CHST9: variants seen among roughly 807,000 people sequenced by gnomAD.
CHST9 encodes the protein carbohydrate sulfotransferase 9.
CHST9 carries 41 observed loss-of-function variants against 44.4 expected under a neutral mutation model. The ratio of observed to expected loss-of-function variants is 0.92; its 90% CI spans 0.72 to 1.20. CHST9 has a LOEUF of 1.20. CHST9 is among the 50% of genes most tolerant of loss of function. CHST9 has a pLI of 0.00. For missense variants in CHST9, 504 were observed against 516.5 expected, an observed-to-expected ratio of 0.98 and a Z score of 0.23; for synonymous variants, 171 against 178.4, an observed-to-expected ratio of 0.96 and a Z score of 0.33.
chr18:27,032,115 C>A (rs755901173), intron 3 of CHST9, among the ~76,000 whole-genome samples: 1 of 152,114 alleles, frequency 6.6e-6, no homozygotes, highest in Non-Finnish European at 1.5e-5. Context: ...ACCACACGAT[C>A]TATCAAAGCT....
At chr18:26,926,015 GAA>G (rs2055761074) in intron 5 of CHST9, among the ~76,000 whole-genome samples, 1 of 152,114 alleles carries the variant, frequency 6.6e-6, no homozygotes, top group Non-Finnish European at 1.5e-5. Context: ...ATGGGAAAGA[GAA>G]AAGATAAAAT....
chr18:27,131,041 C>A (rs945298425), intron 2 of CHST9, among the ~76,000 whole-genome samples: 2 of 152,126 alleles, frequency 1.3e-5, no homozygotes, highest in Admixed American at 1.3e-4. Flanking sequence ...ACAGAGACTT[C>A]CAATTTGTTC....
chr18:27,174,440 C>A (rs2058853401), intron 1 of CHST9, among the ~76,000 whole-genome samples: 1 of 151,864 alleles, frequency 6.6e-6, no homozygotes, highest in South Asian at 2.1e-4. Flanking sequence ...AAAAAAAATA[C>A]ATGATTTCAA....
At chr18:27,153,568 A>G (rs7239301) in intron 1 of CHST9, among the ~76,000 whole-genome samples, 12,424 of 120,162 alleles carry the variant, frequency 0.1, 522 homozygotes, top group South Asian at 0.2. Context: ...GTGTGTGTGT[A>G]TGTGTGTGTG....
intron 2 of CHST9, among the ~76,000 whole-genome samples, chr18:27,109,078 A>G (rs1021660391): frequency 3.3e-5 from 5 of 152,230 alleles, no homozygotes; most frequent in Admixed American, 2.6e-4. Context: ...TGAGGAGGTC[A>G]GAAGTCTTGA....
intron 2 of CHST9, among the ~76,000 whole-genome samples, chr18:27,105,755 T>C (rs2058215331): frequency 6.6e-6 from 1 of 152,164 alleles, no homozygotes; most frequent in Admixed American, 6.6e-5. Flanking sequence ...ATGAAAACTT[T>C]TAAAAGTTTA....
At chr18:27,144,642 T>A (rs2058597039) in intron 1 of CHST9, among the ~76,000 whole-genome samples, 1 of 151,932 alleles carries the variant, frequency 6.6e-6, no homozygotes, top group Non-Finnish European at 1.5e-5. Context: ...TGAGCCATGA[T>A]CAGGCCACTG....
At chr18:27,185,112 C>T (rs1037712038) in intron 1 of CHST9, 24 bp downstream of exon 1, 2 of 152,288 alleles carry the variant, frequency 1.3e-5, no homozygotes, top group Admixed American at 1.3e-4. Flanking sequence ...CCCCCAGCCC[C>T]AACCCCAGCC....
At position 27,042,197 on chromosome 18, in the gene CHST9, G is replaced by A. The variant is rs72880590; in HGVS notation, c.160+6268C>T. ...TGCTTCTTTTTTCAGCAATTCCTTGGGGTCTGTGTTAAGCCAGATGTGGAT... is the reference window on the plus strand; with the variant it reads ...TGCTTCTTTTTTCAGCAATTCCTTGAGGTCTGTGTTAAGCCAGATGTGGAT... On this transcript the variant is annotated intron_variant, in intron 3 of 5. Coordinates refer to ENST00000618847, the MANE Select transcript of CHST9 (RefSeq NM_031422.6). 3.0e-3 allele frequency among the ~76,000 whole-genome samples: 451 copies of A among 152,170 alleles called. 2 individuals are homozygous for A. The highest frequency in any genetic ancestry group is 6.8e-3 in the Middle Eastern group (2 of 294).
At chr18:26,974,831 G>A (rs2056597499) in intron 4 of CHST9, among the ~76,000 whole-genome samples, 2 of 152,170 alleles carry the variant, frequency 1.3e-5, no homozygotes, top group East Asian at 1.9e-4. Flanking sequence ...GTGCCACCAC[G>A]CCCGGCTAAA....
At chr18:27,026,135 A>G (rs2057282682) in intron 3 of CHST9, among the ~76,000 whole-genome samples, 1 of 152,270 alleles carries the variant, frequency 6.6e-6, no homozygotes, top group South Asian at 2.1e-4. Context: ...TGATGGCTCA[A>G]ATATGAAGGT....
rs1164735500 is a variant in CHST9 at position 27,147,081 on chromosome 18, T to C, written c.-96-4176A>G. 2.0e-5 allele frequency among the ~76,000 whole-genome samples: 3 copies of C among 152,102 alleles called. No homozygotes were observed. In the East Asian group the frequency reaches 5.8e-4, roughly 29 times the overall value. On this transcript the variant is annotated intron_variant, in intron 1 of 5. Coordinates refer to ENST00000618847, the MANE Select transcript of CHST9 (RefSeq NM_031422.6). Reference sequence around the variant, plus strand: ...ATTTATTTTTTTATTTTTATTTTTTTGAGATGGAGTTTCACTCTTGTTGCC... The same window carrying C: ...ATTTATTTTTTTATTTTTATTTTTTCGAGATGGAGTTTCACTCTTGTTGCC...
intron 5 of CHST9, among the ~76,000 whole-genome samples, chr18:26,927,770 A>T (rs2055798454): frequency 6.6e-6 from 1 of 151,520 alleles, no homozygotes; most frequent in African/African-American, 2.4e-5. Context: ...TCTTATCTCA[A>T]CTGCAAAGAG....
At chr18:27,111,425 G>A (rs2058269582) in intron 2 of CHST9, among the ~76,000 whole-genome samples, 1 of 152,200 alleles carries the variant, frequency 6.6e-6, no homozygotes, top group Non-Finnish European at 1.5e-5. Flanking sequence ...TGAGAGTTGA[G>A]TCTTGAAGCT....
intron 4 of CHST9, among the ~76,000 whole-genome samples, chr18:26,947,662 G>C (rs1265325444): frequency 2.0e-5 from 3 of 152,112 alleles, no homozygotes; most frequent in Non-Finnish European, 4.4e-5. Flanking sequence ...CATCATCACT[G>C]GTCATTAGAG....
chr18:26,916,103 G>A lies in CHST9; in HGVS notation c.*156C>T, dbSNP rs1230919332. 8.4e-6 allele frequency: 5 copies of A among 592,438 alleles called. No homozygotes were observed. The highest frequency in any genetic ancestry group is 5.8e-6 in the Non-Finnish European group (2 of 345,220). The allele number at this position is 592,438 out of a possible 1,614,324, so 36.7% of individuals were successfully genotyped here. A position where few individuals can be genotyped will look rare whatever the true frequency, so the allele number is the denominator to read the frequency against. ...GTAGGTGATTTTCCTATAACTTTGT[G>A]CCAATTGGTGTCATACTATTTGGTA... On this transcript the variant is annotated 3_prime_UTR_variant, in exon 6 of 6. Coordinates refer to ENST00000618847, the MANE Select transcript of CHST9 (RefSeq NM_031422.6).
intron 3 of CHST9, among the ~76,000 whole-genome samples, chr18:27,042,873 A>G (rs2057461136): frequency 1.3e-5 from 2 of 150,352 alleles, no homozygotes; most frequent in Non-Finnish European, 3.0e-5. Context: ...ACAAGTCTGC[A>G]TTTGTCTTAT....
At chr18:27,167,018 AGTTT>A in intron 1 of CHST9, among the ~76,000 whole-genome samples, 1 of 152,328 alleles carries the variant, frequency 6.6e-6, no homozygotes, top group South Asian at 2.1e-4. Context: ...GATTAGTCTA[AGTTT>A]GTTTGCACAG....
chr18:27,103,581 C>A (rs1266850805), intron 2 of CHST9, among the ~76,000 whole-genome samples: 2 of 152,212 alleles, frequency 1.3e-5, no homozygotes, highest in Non-Finnish European at 2.9e-5. Flanking sequence ...AGTATGCGAT[C>A]AAATGAGGGG....
Sources: allele counts gnomAD v4.1 joint callset (sites outside exome capture counted in the v4.1 genomes callset), GRCh38; gene constraint gnomAD v4.1.1; transcripts MANE v1.5; gene names NCBI Gene and HGNC (gene_info 2026-07-23, HGNC 2026-07-21).